Variants in RABGEF1 observed in about 807,000 individuals in gnomAD.
RABGEF1 encodes the protein RAB guanine nucleotide exchange factor 1, also known as rab5 GDP/GTP exchange factor.
RABGEF1 carries 26 observed loss-of-function variants against 57.3 expected under a neutral mutation model. The observed-to-expected ratio is 0.45, with a 90% CI of 0.33 to 0.63. The LOEUF (loss-of-function observed/expected upper bound fraction) is 0.63, where lower values mean the gene tolerates loss of function less well. Ranked by LOEUF, RABGEF1 falls within the 20% of genes least tolerant of loss-of-function variation. The pLI, the probability that RABGEF1 is intolerant of heterozygous loss-of-function variation, is 0.02. For missense variants in RABGEF1, 464 were observed against 607.6 expected, an observed-to-expected ratio of 0.76 and a Z score of 2.48; for synonymous variants, 185 against 210.7, an observed-to-expected ratio of 0.88 and a Z score of 1.06.
intron 2 of RABGEF1, among the ~76,000 whole-genome samples, chr7:66,719,544 A>T (rs1219735104): frequency 6.6e-6 from 1 of 152,202 alleles, no homozygotes; most frequent in Non-Finnish European, 1.5e-5. Context: ...TCAGATCCAG[A>T]TGGCTTGACT....
chr7:66,754,339 C>A (rs1802195621), intron 1 of RABGEF1, among the ~76,000 whole-genome samples: 1 of 151,594 alleles, frequency 6.6e-6, no homozygotes, highest in African/African-American at 2.4e-5. Flanking sequence ...TCACTGAGCA[C>A]TGGATGCTAG....
intron 1 of RABGEF1, among the ~76,000 whole-genome samples, chr7:66,687,098 A>G (rs1790758644): frequency 7.3e-6 from 1 of 137,262 alleles, no homozygotes; most frequent in African/African-American, 2.7e-5. Flanking sequence ...TGAGATTACG[A>G]GCCACCACGC....
At chr7:66,758,294 G>A (rs1380459094) in intron 1 of RABGEF1, among the ~76,000 whole-genome samples, 1 of 152,214 alleles carries the variant, frequency 6.6e-6, no homozygotes, top group Non-Finnish European at 1.5e-5. Context: ...TTGTAAGTAA[G>A]CTTTGTACCT....
chr7:66,787,709 C>T (rs1811554165), intron 4 of RABGEF1, among the ~76,000 whole-genome samples: 1 of 152,140 alleles, frequency 6.6e-6, no homozygotes, highest in African/African-American at 2.4e-5. Context: ...ATTATGGATT[C>T]AGGAGTATAT....
intron 1 of RABGEF1, among the ~76,000 whole-genome samples, chr7:66,753,869 G>A (rs1802061363): frequency 6.6e-6 from 1 of 151,664 alleles, no homozygotes; most frequent in Admixed American, 6.6e-5. Flanking sequence ...ATCATGCCTG[G>A]CTAATTTTTG....
chr7:66,809,599 A>C lies in RABGEF1; in HGVS notation c.*315A>C, dbSNP rs370106458. 15 of 223,862 alleles carry C rather than the reference A, an allele frequency of 6.7e-5. No individual in the cohort carries two copies. The South Asian group carries it at 2.0e-3, about 29-fold the overall frequency. 13.9% of individuals were successfully genotyped at this position (223,862 alleles called of 1,614,324 possible). A position where few individuals can be genotyped will look rare whatever the true frequency, so the allele number is the denominator to read the frequency against. On this transcript the variant is annotated 3_prime_UTR_variant, in exon 9 of 9. Transcript: ENST00000284957. ...TGGTTTTGGTAAATAATTGCCTTTT[A>C]AAGGATTAAACAAATGAATGCTACA... is the stretch of plus-strand genomic sequence containing the variant.
intron 4 of RABGEF1, among the ~76,000 whole-genome samples, chr7:66,784,108 C>G (rs1238041633): frequency 6.6e-6 from 1 of 152,162 alleles, no homozygotes; most frequent in Non-Finnish European, 1.5e-5. Flanking sequence ...AGTAACAGGC[C>G]TTTTTGACTT....
At chr7:66,715,980 G>C (rs995804823) in intron 2 of RABGEF1, among the ~76,000 whole-genome samples, 5 of 152,154 alleles carry the variant, frequency 3.3e-5, no homozygotes, top group Admixed American at 3.3e-4. Context: ...GTTGGTTTAT[G>C]ATTGTGTTTA....
At chr7:66,743,205 G>T (rs184005276) in intron 1 of RABGEF1, among the ~76,000 whole-genome samples, 2 of 152,126 alleles carry the variant, frequency 1.3e-5, no homozygotes, top group East Asian at 3.9e-4. Context: ...TACTCAGGAG[G>T]CTGAGGTAGG....
intron 2 of RABGEF1, among the ~76,000 whole-genome samples, chr7:66,724,651 C>G (rs538696457): frequency 2.0e-5 from 3 of 152,316 alleles, no homozygotes; most frequent in South Asian, 4.1e-4. Flanking sequence ...AGCCACTGCA[C>G]CTGGCCTGAA....
At chr7:66,694,010 T>C (rs1791947786) in intron 1 of RABGEF1, among the ~76,000 whole-genome samples, 1 of 152,172 alleles carries the variant, frequency 6.6e-6, no homozygotes, top group African/African-American at 2.4e-5. Flanking sequence ...GGTTTCACCA[T>C]GTTGGCCAGG....
intron 2 of RABGEF1, among the ~76,000 whole-genome samples, chr7:66,772,575 G>A (rs1438496443): frequency 2.6e-5 from 4 of 152,074 alleles, no homozygotes; most frequent in Non-Finnish European, 5.9e-5. Context: ...TAAAAATTAG[G>A]TTAGCATTTG....
rs35661980 is a variant in RABGEF1 at position 66,789,682 on chromosome 7, CAAAAAAAA to C, written c.514-5810_514-5803del. Among the ~76,000 whole-genome samples, 6 of 57,486 alleles carry C rather than the reference CAAAAAAAA, an allele frequency of 1.0e-4. No homozygotes were observed. The East Asian group carries it at 1.8e-3, about 17-fold the overall frequency. 37.7% of individuals were successfully genotyped at this position (57,486 alleles called of 152,430 possible). The stretch of plus-strand genomic sequence containing the variant: ...TCAGCATCGGAGCGAGACTCTATCT[CAAAAAAAA>C]AAAAAAAAAAAAAAAAAAGATGTAT... On this transcript the variant is annotated intron_variant, in intron 4 of 8. Transcript: ENST00000284957.
chr7:66,733,388 T>G (rs1220078502), intron 2 of RABGEF1, among the ~76,000 whole-genome samples: 1 of 152,180 alleles, frequency 6.6e-6, no homozygotes, highest in Non-Finnish European at 1.5e-5. Context: ...GGTCTTAGCC[T>G]GTCTTCTCCA....
rs1584110137 is a variant in RABGEF1 at position 66,787,061 on chromosome 7, C to G, written c.513+3220C>G. 2.0e-5 allele frequency among the ~76,000 whole-genome samples: 3 copies of G among 152,262 alleles called. No homozygotes were observed. In the South Asian group the frequency reaches 6.2e-4, roughly 32 times the overall value. ...TTCTTTTTGAGATAGGAGTCTTGCTCTGTTGGCCAGGCTGGAGTGCAGTGG... is the reference window on the plus strand; with the variant it reads ...TTCTTTTTGAGATAGGAGTCTTGCTGTGTTGGCCAGGCTGGAGTGCAGTGG... On this transcript the variant is annotated intron_variant, in intron 4 of 8. Transcript: ENST00000284957.
At chr7:66,672,476 G>A in the RABGEF1 span, among the ~76,000 whole-genome samples, 3 of 152,102 alleles carry the variant, frequency 2.0e-5, no homozygotes, top group African/African-American at 4.8e-5. Flanking sequence ...CCCAAGAAAG[G>A]ACTTCTGACA....
chr7:66,664,303 G>T, the RABGEF1 span, among the ~76,000 whole-genome samples: 1 of 152,122 alleles, frequency 6.6e-6, no homozygotes, highest in Non-Finnish European at 1.5e-5. Flanking sequence ...CTTTGGGCCA[G>T]GCGCAGTGAC....
At chr7:66,764,380 T>G (rs1268026102) in intron 1 of RABGEF1, among the ~76,000 whole-genome samples, 2 of 143,932 alleles carry the variant, frequency 1.4e-5, no homozygotes, top group Non-Finnish European at 3.1e-5. Flanking sequence ...ATTACATAAA[T>G]GACTTGCAAA....
upstream of RABGEF1, among the ~76,000 whole-genome samples, chr7:66,737,045 GA>G (rs1310128926): frequency 6.8e-6 from 1 of 146,106 alleles, no homozygotes; most frequent in Non-Finnish European, 1.5e-5. Context: ...ATATATATAT[GA>G]GGGGGGAGAG....
Sources: gnomAD v4.1 joint callset for allele counts (sites outside exome capture counted in the v4.1 genomes callset) on GRCh38, gnomAD v4.1.1 for gene constraint, MANE v1.5 for transcripts, NCBI Gene and HGNC (gene_info 2026-07-23, HGNC 2026-07-21) for gene names.